Variants in MMP16 observed in about 807,000 individuals in gnomAD.
The protein encoded by MMP16 is matrix metallopeptidase 16.
Under a neutral mutation model 67.8 loss-of-function variants are expected in MMP16, and 12 were observed. The ratio of observed to expected loss-of-function variants is 0.18; its 90% confidence interval spans 0.11 to 0.29. The LOEUF (loss-of-function observed/expected upper bound fraction) is 0.29, where lower values mean the gene tolerates loss of function less well. Ranked by LOEUF, MMP16 falls within the 10% of genes least tolerant of loss-of-function variation. MMP16 has a pLI of 1.00. For missense variants in MMP16, 475 were observed against 765.7 expected (o/e 0.62, Z 4.48); for synonymous variants, 249 against 255.9 (o/e 0.97, Z 0.26).
intron 3 of MMP16, among the ~76,000 whole-genome samples, chr8:88,170,850 T>C (rs898139582): frequency 6.6e-6 from 1 of 151,868 alleles, no homozygotes; most frequent in Non-Finnish European, 1.5e-5. Flanking sequence ...GATGGAAAAA[T>C]GGATGATGGG....
At chr8:88,101,421 C>G (rs1392690356) in intron 6 of MMP16, among the ~76,000 whole-genome samples, 1 of 151,864 alleles carries the variant, frequency 6.6e-6, no homozygotes, top group Non-Finnish European at 1.5e-5. Flanking sequence ...AATGCAGCTG[C>G]TTGGAAAAGG....
At chr8:88,225,475 A>G (rs1322881005) in intron 1 of MMP16, among the ~76,000 whole-genome samples, 1 of 152,054 alleles carries the variant, frequency 6.6e-6, no homozygotes, top group Non-Finnish European at 1.5e-5. Flanking sequence ...TGCTTTAAAT[A>G]ATTGTAACAA....
chr8:88,321,494 CG>C (rs1322786900), intron 1 of MMP16, among the ~76,000 whole-genome samples: 1 of 152,122 alleles, frequency 6.6e-6, no homozygotes, highest in Non-Finnish European at 1.5e-5. Context: ...TTTAAAATTA[CG>C]TATCATTTGC....
rs1313493177 is a variant in MMP16, at chr8:88,039,590, T to A, written c.*1871A>T. The A allele has an allele frequency of 2.0e-5, 3 of 152,640 alleles. No individual in the cohort carries two copies. The East Asian group carries it at 5.8e-4, about 29-fold the overall frequency. The allele number at this position is 152,640 out of a possible 1,614,324, so 9.5% of individuals were successfully genotyped here. ...AAGACAATGTTTAAGTTGTTGTTAA[T>A]GACAGTCAATAGATCAATAATCAAG... On this transcript the variant is annotated 3_prime_UTR_variant, in exon 10 of 10. Coordinates refer to ENST00000286614, the MANE Select transcript of MMP16 (RefSeq NM_005941.5). The surrounding 1 kb of genome is among the most constrained non-coding windows in gnomAD (Gnocchi z 4.5).
intron 6 of MMP16, among the ~76,000 whole-genome samples, chr8:88,101,302 T>C (rs985671058): frequency 3.3e-5 from 5 of 151,802 alleles, no homozygotes; most frequent in African/African-American, 9.7e-5. Flanking sequence ...AATAGATACA[T>C]TGAATATGAC....
intron 1 of MMP16, among the ~76,000 whole-genome samples, chr8:88,312,453 A>T (rs1307573546): frequency 6.6e-6 from 1 of 152,196 alleles, no homozygotes; most frequent in Admixed American, 6.5e-5. Flanking sequence ...GCAATTTTTA[A>T]CAGCTCTATT....
intron 1 of MMP16, among the ~76,000 whole-genome samples, chr8:88,216,612 A>C (rs896205428): frequency 3.3e-5 from 5 of 152,102 alleles, no homozygotes; most frequent in Non-Finnish European, 5.9e-5. Context: ...TGACTTTCAT[A>C]ATCTTGACAC....
At chr8:88,104,472 G>T (rs1809200248) in intron 6 of MMP16, among the ~76,000 whole-genome samples, 1 of 151,486 alleles carries the variant, frequency 6.6e-6, no homozygotes, top group Non-Finnish European at 1.5e-5. Context: ...AATTCCAATT[G>T]CCTAGTGATG....
At chr8:88,287,876 A>T (rs1810858927) in intron 1 of MMP16, among the ~76,000 whole-genome samples, 1 of 152,210 alleles carries the variant, frequency 6.6e-6, no homozygotes, top group Non-Finnish European at 1.5e-5. Flanking sequence ...CAGACAAAGA[A>T]ACTGGGGCTC....
rs28991885 is a variant in MMP16 at position 88,074,696 on chromosome 8, G to A, written c.1131C>T (p.Tyr377=). Reference sequence around the variant, plus strand: ...GCCAGAAGTAAGTAATTTGCATTGGGTATCCATCCATCACCCTGTTGTTTC... The same window carrying A: ...GCCAGAAGTAAGTAATTTGCATTGGATATCCATCCATCACCCTGTTGTTTC... The part of the protein sequence containing the change: ...RVRNNRVMDG[Y]PMQITYFWRG... The change falls in exon 7 of 10, where the codon TAC becomes TAT. Residue 377 remains tyrosine, a synonymous_variant. Transcript: ENST00000286614. 852 of 1,613,514 alleles carry A rather than the reference G, an allele frequency of 5.3e-4. 1 individual carries two copies. In the African/African-American group the frequency reaches 9.6e-3, roughly 18 times the overall value.
Position 88,216,866 on chromosome 8 carries a change from A to G in MMP16, c.133-19560T>C, listed in dbSNP as rs952971045. Among the ~76,000 whole-genome samples, 57 of 152,082 alleles carry G rather than the reference A, an allele frequency of 3.7e-4. 1 individual carries two copies. The highest frequency in any genetic ancestry group is 3.7e-3 in the Admixed American group (57 of 15,256). ...TGAAGTTACACTTTTCCCCTTTGTC[A>G]ATAATAACAATTTTATTGGATATAT... On this transcript the variant is annotated intron_variant, in intron 1 of 9. Transcript: ENST00000286614.
intron 3 of MMP16, among the ~76,000 whole-genome samples, chr8:88,171,342 A>G (rs1808799745): frequency 6.6e-6 from 1 of 152,184 alleles, no homozygotes; most frequent in African/African-American, 2.4e-5. Flanking sequence ...CATAAAATGA[A>G]AGATTACAAA....
chr8:88,083,903 A>G (rs1190299620), intron 6 of MMP16, among the ~76,000 whole-genome samples: 2 of 152,082 alleles, frequency 1.3e-5, no homozygotes, highest in East Asian at 3.9e-4. Flanking sequence ...TAAGCAAAGA[A>G]CAAAACAAAA....
At chr8:88,140,122 C>G (rs1446564074) in intron 4 of MMP16, among the ~76,000 whole-genome samples, 1 of 152,108 alleles carries the variant, frequency 6.6e-6, no homozygotes, top group Admixed American at 6.6e-5. Flanking sequence ...CTTCTCTAGA[C>G]TTGACTGAGG....
intron 7 of MMP16, among the ~76,000 whole-genome samples, chr8:88,071,109 T>A: frequency 6.6e-6 from 1 of 152,078 alleles, no homozygotes; most frequent in East Asian, 1.9e-4. Flanking sequence ...CACATATAAT[T>A]TTGCCCTAGT....
intron 4 of MMP16, among the ~76,000 whole-genome samples, chr8:88,143,594 C>A (rs1399992137): frequency 6.6e-6 from 1 of 151,984 alleles, no homozygotes; most frequent in Non-Finnish European, 1.5e-5. Flanking sequence ...ATATATCTTG[C>A]ATGCCACAAA....
chr8:88,144,213 G>C (rs1808256052), intron 4 of MMP16, among the ~76,000 whole-genome samples: 1 of 151,926 alleles, frequency 6.6e-6, no homozygotes, highest in South Asian at 2.1e-4. Flanking sequence ...TCCCGAATGA[G>C]TAAACATACC....
chr8:88,218,667 A>G (rs896079056), intron 1 of MMP16, among the ~76,000 whole-genome samples: 1 of 152,064 alleles, frequency 6.6e-6, no homozygotes, highest in Non-Finnish European at 1.5e-5. Flanking sequence ...ATTGGCATCA[A>G]TTTGAAAATA....
At chr8:88,237,748 T>C (rs768386124) in intron 1 of MMP16, among the ~76,000 whole-genome samples, 26 of 152,308 alleles carry the variant, frequency 1.7e-4, no homozygotes, top group Admixed American at 7.8e-4. Flanking sequence ...AGGTTGAGGC[T>C]ATTATTGGTG....
Sources: gnomAD v4.1 joint callset for allele counts (sites outside exome capture counted in the v4.1 genomes callset) on GRCh38, gnomAD v4.1.1 for gene constraint, Gnocchi (gnomAD v3.1) non-coding constraint, MANE v1.5 for transcripts, NCBI Gene and HGNC (gene_info 2026-07-23, HGNC 2026-07-21) for gene names.